ACP6: variants seen among roughly 807,000 people sequenced by gnomAD.
ACP6 encodes the protein lysophosphatidic acid phosphatase type 6.
A neutral mutation model predicts 48.1 loss-of-function variants in ACP6; 48 were observed. That is an observed-to-expected ratio of 1.00 (90% CI 0.79 to 1.27). The LOEUF is 1.27. Among genes scored for constraint, ACP6 ranks in the 50% most tolerant of loss-of-function variants. The pLI, the probability that ACP6 is intolerant of heterozygous loss-of-function variation, is 0.00. For synonymous variants in ACP6, 172 were observed against 204.2 expected (o/e 0.84, Z 1.34); for missense variants, 485 against 529.1 (o/e 0.92, Z 0.82).
Position 147,660,300 on chromosome 1 carries a change from C to A in ACP6, c.220-525G>T, listed in dbSNP as rs587680897. Among the ~76,000 whole-genome samples the A allele has an allele frequency of 2.6e-5, 4 of 152,308 alleles. No individual in the cohort carries two copies. In the East Asian group the frequency reaches 7.7e-4, roughly 29 times the overall value. ...GAAGATGTTGCTTTTTCATCATCTT[C>A]CATTATTCCTTGCAATCTGGCTCCT... On this transcript the variant is annotated intron_variant, in intron 1 of 9. Coordinates refer to ENST00000583509, the MANE Select transcript of ACP6 (RefSeq NM_016361.5).
At chr1:147,659,334 G>T in intron 3 of ACP6, 62 bp downstream of exon 3, 1 of 1,582,266 alleles carries the variant, frequency 6.3e-7, no homozygotes, top group South Asian at 1.2e-5. Context: ...GGGGAGTCAG[G>T]ACAGGTATCC....
At chr1:147,656,620 GT>G (rs369303188) in intron 4 of ACP6, among the ~76,000 whole-genome samples, 3 of 152,184 alleles carry the variant, frequency 2.0e-5, no homozygotes, top group African/African-American at 7.2e-5. Context: ...CCATTTACCA[GT>G]TTTGTGTCCC....
At position 147,645,565 on chromosome 1, in the gene ACP6, T is replaced by G. The variant is rs587607424; in HGVS notation, c.*1858A>C. The G allele has an allele frequency of 6.6e-6, 1 of 152,264 alleles. No individual in the cohort carries two copies. The highest frequency in any genetic ancestry group is 2.1e-4 in the South Asian group (1 of 4,820). 9.4% of individuals were successfully genotyped at this position (152,264 alleles called of 1,614,324 possible). On this transcript the variant is annotated 3_prime_UTR_variant, in exon 10 of 10. Coordinates refer to ENST00000583509, the MANE Select transcript of ACP6 (RefSeq NM_016361.5). ...CCAAGAAAGCATTTGTCGAAGCCAG[T>G]GAAGGAAATAGTCTAGGAATACTGA...
rs782175250 is a variant in ACP6 at position 147,669,847 on chromosome 1, G to C, written c.202C>G (p.Leu68Val). The change falls in exon 1 of 10, where the codon CTC (leucine) becomes GTC (valine). Residue 68 changes from leucine (L) to valine (V), a missense_variant. By Grantham distance (32) the Leu-to-Val change is conservative. Coordinates refer to ENST00000583509, the MANE Select transcript of ACP6 (RefSeq NM_016361.5). ...RHGARSPLKP[L>V]PLEEQVEWNP... ...CCTCTCACCTGCTCCTCCAGCGGGA[G>C]CGGCTTGAGAGGACTCCGAGCCCCG... 1 of 1,593,794 alleles carries C rather than the reference G, an allele frequency of 6.3e-7. No homozygotes were observed. The highest frequency in any genetic ancestry group is 1.3e-5 in the African/African-American group (1 of 74,578).
downstream of ACP6, among the ~76,000 whole-genome samples, chr1:147,637,852 T>A (rs1305343551): frequency 6.6e-6 from 1 of 152,228 alleles, no homozygotes; most frequent in African/African-American, 2.4e-5. Context: ...ATTCAATTAG[T>A]CATCCAGTAA....
Position 147,669,860 on chromosome 1 carries a change from A to T in ACP6, c.189T>A (p.Ser63Arg), listed in dbSNP as rs782368746. 27 of 1,597,214 alleles carry T rather than the reference A, an allele frequency of 1.7e-5. No individual in the cohort carries two copies. The South Asian group carries it at 3.0e-4, about 18-fold the overall frequency. Residue 63 changes from serine to arginine, a missense_variant, in exon 1 of 10, where the codon AGT becomes AGA. Transcript: ENST00000583509. ...VQVVFRHGAR[S>R]PLKPLPLEEQ... ...CCTCCAGCGGGAGCGGCTTGAGAGG[A>T]CTCCGAGCCCCGTGTCGAAACACGA...
rs1165642068 is a variant in ACP6 at position 147,644,310 on chromosome 1, A to G, written c.*3113T>C. The G allele has an allele frequency of 2.6e-5, 4 of 152,236 alleles. No homozygotes were observed. Among genetic ancestry groups the G allele is most frequent in the Non-Finnish European group, 5.9e-5 (4 of 68,044 alleles). The allele number at this position is 152,236 out of a possible 1,614,324, so 9.4% of individuals were successfully genotyped here. On this transcript the variant is annotated 3_prime_UTR_variant, in exon 10 of 10. Transcript: ENST00000583509. ...CAATTATTATCTGTCAACTAAAAAG[A>G]AAGTAAAAAGTTTTTATTACAAAAA...
intron 1 of ACP6, among the ~76,000 whole-genome samples, chr1:147,666,878 G>T (rs1457732679): frequency 6.6e-6 from 1 of 152,168 alleles, no homozygotes; most frequent in Admixed American, 6.5e-5. Flanking sequence ...AGCAATAAAA[G>T]ATTCTTACAT....
exon 6 of ACP6, chr1:147,630,585 C>G (rs1205242489): frequency 6.6e-6 from 1 of 152,214 alleles, no homozygotes; most frequent in Non-Finnish European, 1.5e-5. Flanking sequence ...CTGCCCATCC[C>G]CATGAATCAA....
chr1:147,659,769 A>T lies in ACP6; in HGVS notation c.226T>A (p.Trp76Arg), dbSNP rs1553212415. The T allele has an allele frequency of 6.2e-7, 1 of 1,613,764 alleles. No individual in the cohort carries two copies. Among genetic ancestry groups the T allele is most frequent in the Non-Finnish European group, 8.5e-7 (1 of 1,179,992 alleles). The change falls in exon 2 of 10, where the codon TGG (tryptophan) becomes AGG (arginine). Residue 76 changes from tryptophan (W) to arginine (R), a missense_variant. Transcript: ENST00000583509. ...GGGACCTCTAATAGCTGGGGGTTCC[A>T]CTCTACCTGTTAGTACAAAAAAAAC... Reference protein sequence around the residue: ...KPLPLEEQVEWNPQLLEVPPQ... With the variant: ...KPLPLEEQVERNPQLLEVPPQ...
chr1:147,634,435 A>T (rs1253939403), intron 5 of ACP6, among the ~76,000 whole-genome samples: 2 of 4,422 alleles, frequency 4.5e-4, no homozygotes, highest in African/African-American at 1.7e-3. Flanking sequence ...TGATGCCTAA[A>T]AGTTTTTTTT....
intron 3 of ACP6, 125 bp downstream of exon 3, chr1:147,659,271 C>T: frequency 3.0e-6 from 4 of 1,349,002 alleles, no homozygotes; most frequent in Non-Finnish European, 4.1e-6. Flanking sequence ...TAAGGGTATG[C>T]AGCATGACAA....
At chr1:147,637,675 C>A (rs1659332708), downstream of ACP6, among the ~76,000 whole-genome samples, 1 of 152,194 alleles carries the variant, frequency 6.6e-6, no homozygotes, top group Non-Finnish European at 1.5e-5. Flanking sequence ...TCACACTGAA[C>A]AAATCCCTCA....
chr1:147,636,488 CAA>C (rs1167507699), intron 5 of ACP6, among the ~76,000 whole-genome samples: 7 of 152,216 alleles, frequency 4.6e-5, no homozygotes, highest in Middle Eastern at 3.4e-3. Context: ...GCAGATAAAG[CAA>C]AGAGACAAAG....
chr1:147,639,580 G>A (rs1241543256), downstream of ACP6, among the ~76,000 whole-genome samples: 2 of 152,164 alleles, frequency 1.3e-5, no homozygotes, highest in East Asian at 3.8e-4. Flanking sequence ...TGTGGTCTCT[G>A]GGCATCCCCC....
At position 147,655,227 on chromosome 1, in the gene ACP6, T is replaced by A; in HGVS notation, c.581A>T (p.Asp194Val). Residue 194 changes from aspartate to valine, a missense_variant, in exon 5 of 10, where the codon GAT becomes GTT. Physicochemically the swap from Asp to Val is radical, Grantham distance 152 (BLOSUM62 -3). Coordinates refer to ENST00000583509, the MANE Select transcript of ACP6 (RefSeq NM_016361.5). ...ATACAAGACTTCTGAATCTGCTTCA[T>A]CAGTGTGGATGATGATGGGTCCTGG... Reference protein sequence around the residue: ...QKEGPIIIHTDEADSEVLYPN... With the variant: ...QKEGPIIIHTVEADSEVLYPN... 1 of 1,607,324 alleles carries A rather than the reference T, an allele frequency of 6.2e-7. No individual in the cohort carries two copies.
downstream of ACP6, among the ~76,000 whole-genome samples, chr1:147,641,578 T>C (rs1659454317): frequency 6.6e-6 from 1 of 152,216 alleles, no homozygotes; most frequent in Non-Finnish European, 1.5e-5. Context: ...GAGAGCCTCC[T>C]GTGGGAATTC....
intron 6 of ACP6, 192 bp from the exon 7 acceptor site, chr1:147,652,741 C>T: frequency 1.0e-6 from 1 of 954,636 alleles, no homozygotes; most frequent in Non-Finnish European, 1.5e-6. Flanking sequence ...TTACTAGATA[C>T]CTGAAGGCCA....
At chr1:147,667,706 A>G (rs1156726274) in intron 1 of ACP6, among the ~76,000 whole-genome samples, 2 of 151,970 alleles carry the variant, frequency 1.3e-5, no homozygotes, top group Non-Finnish European at 2.9e-5. Flanking sequence ...AAAAATCCCA[A>G]TAACGGCCGG....
Sources: allele counts gnomAD v4.1 joint callset (sites outside exome capture counted in the v4.1 genomes callset), GRCh38; gene constraint gnomAD v4.1.1; transcripts MANE v1.5; gene names NCBI Gene and HGNC (gene_info 2026-07-23, HGNC 2026-07-21).